The following BRINP1 variants were observed in gnomAD, a reference collection of about 807,000 sequenced individuals.
The protein encoded by BRINP1 is BMP/retinoic acid inducible neural specific 1, also known as BMP/retinoic acid-inducible neural-specific protein 1.
BRINP1 carries 17 observed loss-of-function variants against 72.9 expected under a neutral mutation model. That is an observed-to-expected ratio of 0.23 (90% confidence interval 0.16 to 0.35). The LOEUF (loss-of-function observed/expected upper bound fraction) is 0.35. Ranked by LOEUF, BRINP1 falls within the 10% of genes least tolerant of loss-of-function variation. The probability of loss-of-function intolerance (pLI) is 1.00; values close to 1 mark genes in which losing one functional copy is unlikely to be tolerated. For missense variants in BRINP1, 850 were observed against 1,001.6 expected, an observed-to-expected ratio of 0.85 and a Z score of 2.04; for synonymous variants, 418 against 378.5, an observed-to-expected ratio of 1.10 and a Z score of -1.21.
At chr9:119,348,923 T>C (rs746603140) in intron 1 of BRINP1, among the ~76,000 whole-genome samples, 30 of 152,326 alleles carry the variant, frequency 2.0e-4, no homozygotes, top group Admixed American at 1.3e-4. Context: ...GGTGTAAATG[T>C]AGCATTTCAC....
At chr9:119,251,344 G>A (rs1321747299) in intron 2 of BRINP1, among the ~76,000 whole-genome samples, 1 of 152,184 alleles carries the variant, frequency 6.6e-6, no homozygotes, top group Admixed American at 6.5e-5. Flanking sequence ...GACACAGGAG[G>A]AGGAACCTGA....
chr9:119,304,707 C>T (rs558760794), intron 2 of BRINP1, among the ~76,000 whole-genome samples: 21 of 152,324 alleles, frequency 1.4e-4, no homozygotes, highest in East Asian at 5.8e-4. Context: ...GGATGCTGCA[C>T]GGGAAAAGGC....
chr9:119,228,144 T>A (rs536694066), intron 5 of BRINP1, among the ~76,000 whole-genome samples: 1 of 151,960 alleles, frequency 6.6e-6, no homozygotes, highest in South Asian at 2.1e-4. Flanking sequence ...CTTCTTCACT[T>A]CCCCTTCCCT....
rs1829327782 is a variant in BRINP1, at chr9:119,167,309, A to G, written c.2061T>C (p.Tyr687=). Residue 687 remains tyrosine (Y), a synonymous_variant, in exon 8 of 8, where the codon TAT becomes TAC. Coordinates refer to ENST00000265922, the MANE Select transcript of BRINP1 (RefSeq NM_014618.3). This position sits in a 1 kb window ranked among gnomAD's most constrained non-coding sequence, Gnocchi z 4.3. The part of the protein sequence containing the change: ...NQSYTQGGQF[Y]SSSSVMLLLL... ...AGAGGAGCATCACTGACGAAGAGGA[A>G]TAGAACTGGCCGCCCTGTGTGTAGG... The G allele has an allele frequency of 6.2e-7, 1 of 1,614,030 alleles. No homozygotes were observed. Among genetic ancestry groups the G allele is most frequent in the Non-Finnish European group, 8.5e-7 (1 of 1,180,040 alleles).
intron 1 of BRINP1, among the ~76,000 whole-genome samples, chr9:119,318,828 G>C (rs1377301014): frequency 1.4e-5 from 2 of 141,570 alleles, no homozygotes; most frequent in Non-Finnish European, 3.1e-5. Context: ...GTCATACATG[G>C]AAGAGAAATG....
At chr9:119,258,578 G>A (rs1054284221) in intron 2 of BRINP1, among the ~76,000 whole-genome samples, 2 of 152,140 alleles carry the variant, frequency 1.3e-5, no homozygotes, top group African/African-American at 4.8e-5. Context: ...AGGCACTCAC[G>A]GCCATCACTG....
chr9:119,362,858 CT>C (rs1166873209), intron 1 of BRINP1, among the ~76,000 whole-genome samples: 1 of 152,124 alleles, frequency 6.6e-6, no homozygotes, highest in Non-Finnish European at 1.5e-5. Flanking sequence ...TGACAATGAC[CT>C]TCTGTCAATT....
chr9:119,313,170 A>G lies in BRINP1; in HGVS notation c.186T>C (p.Arg62=). 1.2e-6 allele frequency: 2 copies of G among 1,614,136 alleles called. No homozygotes were observed. Among genetic ancestry groups the G allele is most frequent in the Non-Finnish European group, 1.7e-6 (2 of 1,180,018 alleles). The change falls in exon 2 of 8, where the codon CGT becomes CGC. Residue 62 remains arginine, a synonymous_variant. Transcript: ENST00000265922. The part of the protein sequence containing the change: ...RSYLSFVERH[R]QGFTTRYKIY... ...TTTTATATCTGGTTGTAAATCCTTG[A>G]CGGTGTCTTTCCACAAAGGATAGGT...
At position 119,238,671 on chromosome 9, in the gene BRINP1, G is replaced by T. The variant is rs1463724548; in HGVS notation, c.669C>A (p.Ser223Arg). 2 of 1,608,676 alleles carry T rather than the reference G, an allele frequency of 1.2e-6. No individual in the cohort carries two copies. The highest frequency in any genetic ancestry group is 2.7e-5 in the African/African-American group (2 of 74,640). Residue 223 changes from serine to arginine, a missense_variant, in exon 5 of 8, where the codon AGC (serine) becomes AGA (arginine). Transcript: ENST00000265922. ...GCTTCCTACCTTGAAGGTGCAGTTT[G>T]CTCTCCGTGCTTTGCAGAAGGACGG... The part of the protein sequence containing the change: ...VSSVLLQSTE[S>R]KLHLQGLQII...
chr9:119,245,384 T>C (rs180727937), intron 3 of BRINP1, among the ~76,000 whole-genome samples: 16 of 152,316 alleles, frequency 1.1e-4, no homozygotes, highest in Admixed American at 6.5e-4. Context: ...TGTACTTCCA[T>C]GCACGCATAG....
chr9:119,316,535 T>A (rs748713785), intron 1 of BRINP1, among the ~76,000 whole-genome samples: 1 of 152,166 alleles, frequency 6.6e-6, no homozygotes, highest in Non-Finnish European at 1.5e-5. Context: ...TGACTTTAAG[T>A]TGACGCCAAA....
At chr9:119,311,953 A>C (rs1831073236) in intron 2 of BRINP1, among the ~76,000 whole-genome samples, 1 of 152,060 alleles carries the variant, frequency 6.6e-6, no homozygotes, top group Non-Finnish European at 1.5e-5. Flanking sequence ...AACACACTCA[A>C]CCTCCAAATT....
At chr9:119,317,644 T>C (rs1479508644) in intron 1 of BRINP1, among the ~76,000 whole-genome samples, 1 of 152,194 alleles carries the variant, frequency 6.6e-6, no homozygotes, top group Non-Finnish European at 1.5e-5. Context: ...TAAAATACTA[T>C]CAAACGGCAT....
At chr9:119,255,968 AAAAAAAAAAAAAAAACACGAG>A (rs1830443418) in intron 2 of BRINP1, among the ~76,000 whole-genome samples, 2 of 150,746 alleles carry the variant, frequency 1.3e-5, no homozygotes, top group Admixed American at 1.3e-4. Flanking sequence ...AAAAAAAAAA[AAAAAAAAAAAAAAAACACGAG>A]ACAGGAAGGA....
chr9:119,331,964 ACTAT>A (rs1366202529), intron 1 of BRINP1, among the ~76,000 whole-genome samples: 1 of 152,238 alleles, frequency 6.6e-6, no homozygotes, highest in Non-Finnish European at 1.5e-5. Context: ...GGTAAAAGCC[ACTAT>A]CTGAGCTGGG....
intron 1 of BRINP1, among the ~76,000 whole-genome samples, chr9:119,320,471 T>G (rs1005101086): frequency 6.6e-6 from 1 of 152,140 alleles, no homozygotes; most frequent in African/African-American, 2.4e-5. Flanking sequence ...AAGAGCTTAT[T>G]TTTGGTTAGT....
At chr9:119,240,643 C>T (rs1830237414) in intron 4 of BRINP1, among the ~76,000 whole-genome samples, 1 of 152,184 alleles carries the variant, frequency 6.6e-6, no homozygotes, top group African/African-American at 2.4e-5. Context: ...TCCCTAACAA[C>T]ATAATCTCCC....
At chr9:119,359,765 C>A (rs1164985803) in intron 1 of BRINP1, among the ~76,000 whole-genome samples, 3 of 152,152 alleles carry the variant, frequency 2.0e-5, no homozygotes, top group Non-Finnish European at 4.4e-5. Context: ...GAATGGGGCA[C>A]AATACTACCT....
intron 2 of BRINP1, among the ~76,000 whole-genome samples, chr9:119,276,497 A>G (rs1830659382): frequency 6.6e-6 from 1 of 152,240 alleles, no homozygotes; most frequent in African/African-American, 2.4e-5. Context: ...TAACATCAAT[A>G]CAATTAGTTG....
Sources: gnomAD v4.1 joint callset for allele counts (sites outside exome capture counted in the v4.1 genomes callset) on GRCh38, gnomAD v4.1.1 for gene constraint, Gnocchi (gnomAD v3.1) non-coding constraint, MANE v1.5 for transcripts, NCBI Gene and HGNC (gene_info 2026-07-23, HGNC 2026-07-21) for gene names.